Variants in KLF15 observed in about 807,000 individuals in gnomAD.
The protein encoded by KLF15 is Krueppel-like factor 15.
KLF15 carries 4 observed loss-of-function variants against 24.6 expected under a neutral mutation model. The observed-to-expected ratio is 0.16, with a 90% confidence interval of 0.08 to 0.37. The LOEUF (loss-of-function observed/expected upper bound fraction) is 0.37. KLF15 is among the 10% of genes least tolerant of loss of function. The pLI is 1.00. For synonymous variants in KLF15, 246 were observed against 236.3 expected (o/e 1.04, Z -0.37); for missense variants, 496 against 560.6 (o/e 0.88, Z 1.16).
At chr3:126,315,630 C>T in the KLF15 span, among the ~76,000 whole-genome samples, 1 of 152,308 alleles carries the variant, frequency 6.6e-6, no homozygotes, top group East Asian at 1.9e-4. Flanking sequence ...ACTCTCACAG[C>T]TCACAGCAAC....
rs1224041534 is a variant in KLF15, at chr3:126,343,912, G to A, written c.1083-17C>T. 3.2e-6 allele frequency: 5 copies of A among 1,562,318 alleles called. No individual in the cohort carries two copies. Among genetic ancestry groups the A allele is most frequent in the African/African-American group, 1.4e-5 (1 of 73,024 alleles). On this transcript the variant is annotated splice_polypyrimidine_tract_variant and intron_variant, in intron 2 of 2. Transcript: ENST00000296233. ...CGCGAGAACCTGCGGGACATGGCGC[G>A]GTCAGCGAGGCCTGGCCCTGCCTGC...
At chr3:126,301,348 G>T in the KLF15 span, among the ~76,000 whole-genome samples, 1 of 152,184 alleles carries the variant, frequency 6.6e-6, no homozygotes, top group African/African-American at 2.4e-5. Flanking sequence ...AGGCTCTCCA[G>T]ATTGGACGGC....
intron 2 of KLF15, 56 bp from the exon 3 acceptor site, chr3:126,343,951 G>A (rs950932188): frequency 1.3e-5 from 19 of 1,489,858 alleles, no homozygotes; most frequent in Non-Finnish European, 1.6e-5. Context: ...TGCCTGCCCC[G>A]ACCCCACGAA....
chr3:126,290,502 T>TCCTA, the KLF15 span, among the ~76,000 whole-genome samples: 8 of 140,622 alleles, frequency 5.7e-5, no homozygotes, highest in Admixed American at 2.9e-4. Flanking sequence ...CTTTCTTCCT[T>TCCTA]CCTACCTTCC....
In KLF15 at chr3:126,348,062, T is replaced by A. The variant is rs1241450718; in HGVS notation, c.1082+3779A>T. On this transcript the variant is annotated intron_variant, in intron 2 of 2. Transcript: ENST00000296233. ...TGCCACCCCAAAGACCAGGCTGAGCTGCAGATGGAGGTGGAGGTTCCCAAC... is the reference window on the plus strand; with the variant it reads ...TGCCACCCCAAAGACCAGGCTGAGCAGCAGATGGAGGTGGAGGTTCCCAAC... Among the ~76,000 whole-genome samples the A allele has an allele frequency of 1.7e-4, 26 of 151,774 alleles. 1 individual carries two copies. Among genetic ancestry groups the A allele is most frequent in the Admixed American group, 1.7e-3 (26 of 15,254 alleles).
chr3:126,299,383 G>A, the KLF15 span, among the ~76,000 whole-genome samples: 232 of 152,108 alleles, frequency 1.5e-3, 1 homozygote, highest in Admixed American at 3.7e-3. Flanking sequence ...TTCATTTATC[G>A]TATCTAGGAG....
At chr3:126,289,918 G>A in the KLF15 span, among the ~76,000 whole-genome samples, 26 of 152,182 alleles carry the variant, frequency 1.7e-4, no homozygotes, top group African/African-American at 5.8e-4. Context: ...GCCAGCTGGA[G>A]GGGACAGAGG....
chr3:126,323,168 C>T, the KLF15 span, among the ~76,000 whole-genome samples: 2 of 150,276 alleles, frequency 1.3e-5, no homozygotes, highest in Admixed American at 6.6e-5. Context: ...CCCATACACC[C>T]TTTTCCCAGA....
At chr3:126,347,016 A>C (rs2082540245) in intron 2 of KLF15, among the ~76,000 whole-genome samples, 1 of 152,142 alleles carries the variant, frequency 6.6e-6, no homozygotes, top group Non-Finnish European at 1.5e-5. Flanking sequence ...AAGAATGATG[A>C]GCTCTTATCA....
chr3:126,324,896 T>C, the KLF15 span, among the ~76,000 whole-genome samples: 2 of 110,504 alleles, frequency 1.8e-5, no homozygotes, highest in East Asian at 5.5e-4. Flanking sequence ...GCCATGCTGG[T>C]GCGCTGCACC....
intron 1 of KLF15, among the ~76,000 whole-genome samples, chr3:126,355,748 C>G (rs984003751): frequency 1.3e-5 from 2 of 152,136 alleles, no homozygotes; most frequent in Non-Finnish European, 2.9e-5. Context: ...CGGGGGAGAG[C>G]GGGGGAGGTC....
the KLF15 span, among the ~76,000 whole-genome samples, chr3:126,324,806 C>CTTTTTTTTT: frequency 1.7e-5 from 1 of 59,580 alleles, no homozygotes; most frequent in African/African-American, 7.2e-5. Context: ...TTTTTTCGCT[C>CTTTTTTTTT]TTTTTTTTTT....
chr3:126,348,122 G>GA (rs967905227), intron 2 of KLF15, among the ~76,000 whole-genome samples: 2 of 152,170 alleles, frequency 1.3e-5, no homozygotes. Flanking sequence ...GGTGCAGAGG[G>GA]AGGTCCCTGA....
At chr3:126,333,725 A>G in the KLF15 span, among the ~76,000 whole-genome samples, 1 of 138,888 alleles carries the variant, frequency 7.2e-6, no homozygotes, top group Admixed American at 7.4e-5. Flanking sequence ...GGATGGAGGA[A>G]GATCTACCAA....
chr3:126,351,363 G>A (rs908578024), intron 2 of KLF15, among the ~76,000 whole-genome samples: 5 of 152,342 alleles, frequency 3.3e-5, no homozygotes, highest in Admixed American at 6.5e-5. Flanking sequence ...TCTCGAATCC[G>A]GCCTCTGGGT....
chr3:126,345,043 T>C (rs1239664991), intron 2 of KLF15, among the ~76,000 whole-genome samples: 4 of 152,178 alleles, frequency 2.6e-5, no homozygotes, highest in African/African-American at 9.7e-5. Flanking sequence ...CATTGACCTT[T>C]CCTTGGTCCT....
At chr3:126,296,558 C>T in the KLF15 span, among the ~76,000 whole-genome samples, 5 of 152,342 alleles carry the variant, frequency 3.3e-5, no homozygotes, top group African/African-American at 1.2e-4. Flanking sequence ...ATTTAGATGC[C>T]TTGTCTTTTC....
the KLF15 span, among the ~76,000 whole-genome samples, chr3:126,323,418 TATATATATATATATATAAC>T: frequency 3.4e-5 from 1 of 29,264 alleles, no homozygotes; most frequent in Non-Finnish European, 7.6e-5. Context: ...TATATATATA[TATATATATATATATATAAC>T]ATATATATGT....
At chr3:126,344,469 G>A (rs2082515293) in intron 2 of KLF15, among the ~76,000 whole-genome samples, 1 of 152,206 alleles carries the variant, frequency 6.6e-6, no homozygotes, top group Admixed American at 6.5e-5. Context: ...CTCCCAACAG[G>A]AAAGGACCCC....
Sources: allele counts gnomAD v4.1 joint callset (sites outside exome capture counted in the v4.1 genomes callset), GRCh38; gene constraint gnomAD v4.1.1; transcripts MANE v1.5; gene names NCBI Gene and HGNC (gene_info 2026-07-23, HGNC 2026-07-21).